NKAIN3: variants seen among roughly 807,000 people sequenced by gnomAD.
The protein encoded by NKAIN3 is sodium/potassium-transporting ATPase subunit beta-1-interacting protein 3.
NKAIN3 carries 25 observed loss-of-function variants against 30.2 expected under a neutral mutation model. The observed-to-expected ratio is 0.83, with a 90% CI of 0.60 to 1.16. The LOEUF is 1.16. Among genes scored for constraint, NKAIN3 ranks in the 50% most tolerant of loss-of-function variants. The probability of loss-of-function intolerance (pLI) is 0.00; values close to 1 mark genes in which losing one functional copy is unlikely to be tolerated. For synonymous variants in NKAIN3, 91 were observed against 89.6 expected (o/e 1.02, Z -0.09); for missense variants, 225 against 254.1 (o/e 0.89, Z 0.78).
chr8:62,393,812 T>C (rs6983923), intron 1 of NKAIN3, among the ~76,000 whole-genome samples: 1 of 152,082 alleles, frequency 6.6e-6, no homozygotes, highest in Non-Finnish European at 1.5e-5. Context: ...TTGCACATCT[T>C]TTTGTTAAAT....
intron 1 of NKAIN3, among the ~76,000 whole-genome samples, chr8:62,518,655 AT>A: frequency 6.6e-6 from 1 of 152,278 alleles, no homozygotes; most frequent in African/African-American, 2.4e-5. Flanking sequence ...GGATCAAAAG[AT>A]TTTAAAAATT....
At chr8:62,853,239 G>C (rs148657915) in intron 4 of NKAIN3, among the ~76,000 whole-genome samples, 2,381 of 152,176 alleles carry the variant, frequency 0.016, 72 homozygotes, top group African/African-American at 0.054. Context: ...GATCTTTGTT[G>C]GTTTAAAGTC....
Position 62,967,734 on chromosome 8 carries a change from T to TA in NKAIN3, c.*2333dup, listed in dbSNP as rs61231023. ...AAACATCAAAACTGTAGAGAGTCAG[T>TA]AAAAAAGGATAAAATGAGTATTGAC... On this transcript the variant is annotated 3_prime_UTR_variant, in exon 7 of 7. Coordinates refer to ENST00000623646, the MANE Select transcript of NKAIN3 (RefSeq NM_001304533.3). 6.8e-6 allele frequency among the ~76,000 whole-genome samples: 1 copy of TA among 146,822 alleles called. No homozygotes were observed. Among genetic ancestry groups the TA allele is most frequent in the Non-Finnish European group, 1.5e-5 (1 of 67,978 alleles).
At chr8:62,866,244 A>G (rs1431095089) in intron 4 of NKAIN3, among the ~76,000 whole-genome samples, 18 of 152,174 alleles carry the variant, frequency 1.2e-4, no homozygotes, top group Admixed American at 6.5e-5. Context: ...GAAAAAATAC[A>G]TATATTTTCG....
intron 4 of NKAIN3, among the ~76,000 whole-genome samples, chr8:62,851,623 T>C (rs1020640210): frequency 1.3e-5 from 2 of 152,194 alleles, no homozygotes; most frequent in African/African-American, 2.4e-5. Flanking sequence ...TATTTTGAGG[T>C]ACATCCCATC....
chr8:62,714,882 C>G lies in NKAIN3; in HGVS notation c.274-32050C>G, dbSNP rs1276451658. On this transcript the variant is annotated intron_variant, in intron 3 of 6. Coordinates refer to ENST00000623646, the MANE Select transcript of NKAIN3 (RefSeq NM_001304533.3). ...AAACTCTGACACAAAATGCCTCCAA[C>G]ATTAAGGTCATTAACAGTGCTGTTT... Among the ~76,000 whole-genome samples the G allele has an allele frequency of 3.9e-5, 6 of 152,290 alleles. No individual in the cohort carries two copies. The East Asian group carries it at 1.2e-3, about 29-fold the overall frequency.
chr8:62,420,996 C>T (rs963826120), intron 1 of NKAIN3, among the ~76,000 whole-genome samples: 1 of 152,126 alleles, frequency 6.6e-6, no homozygotes, highest in Non-Finnish European at 1.5e-5. Context: ...ATGACTATAT[C>T]GGGTCTTAAA....
chr8:62,920,438 T>G (rs1462239828), intron 5 of NKAIN3, among the ~76,000 whole-genome samples: 2 of 152,198 alleles, frequency 1.3e-5, no homozygotes, highest in Non-Finnish European at 2.9e-5. Context: ...TCCTTGAGAC[T>G]TGTGGTTTAA....
At chr8:62,943,455 T>C (rs1823027511) in intron 5 of NKAIN3, among the ~76,000 whole-genome samples, 1 of 152,042 alleles carries the variant, frequency 6.6e-6, no homozygotes, top group Non-Finnish European at 1.5e-5. Flanking sequence ...TGTAAACTAG[T>C]ACAACCACTA....
At chr8:62,670,646 T>C (rs1586072126) in intron 3 of NKAIN3, among the ~76,000 whole-genome samples, 1 of 152,216 alleles carries the variant, frequency 6.6e-6, no homozygotes, top group African/African-American at 2.4e-5. Flanking sequence ...ATGGTCCCCT[T>C]GGGAAGGCAG....
chr8:62,876,717 A>T (rs2130808002), intron 4 of NKAIN3, among the ~76,000 whole-genome samples: 1 of 152,314 alleles, frequency 6.6e-6, no homozygotes, highest in South Asian at 2.1e-4. Flanking sequence ...TCAGGAACAG[A>T]AAACCAAACA....
chr8:62,863,690 G>C (rs1820328426), intron 4 of NKAIN3: 5 of 1,444,186 alleles, frequency 3.5e-6, no homozygotes, highest in African/African-American at 1.4e-5. Flanking sequence ...TTCATCCAAG[G>C]CTGTGTCTGT....
intron 4 of NKAIN3, among the ~76,000 whole-genome samples, chr8:62,763,393 ATCAGCAT>A (rs1158524215): frequency 2.0e-5 from 3 of 152,114 alleles, no homozygotes; most frequent in Non-Finnish European, 4.4e-5. Flanking sequence ...ATTAGTGTGT[ATCAGCAT>A]TTACCTTTGA....
chr8:62,843,736 T>C (rs1819595653), intron 4 of NKAIN3, among the ~76,000 whole-genome samples: 2 of 152,152 alleles, frequency 1.3e-5, no homozygotes, highest in Admixed American at 1.3e-4. Flanking sequence ...ACTAAGTTTG[T>C]GATGATTTGC....
At chr8:62,563,652 A>T (rs1005721527) in intron 1 of NKAIN3, among the ~76,000 whole-genome samples, 1 of 152,144 alleles carries the variant, frequency 6.6e-6, no homozygotes, top group African/African-American at 2.4e-5. Flanking sequence ...GAAACTCTTT[A>T]TATTTAGTTA....
At chr8:62,329,967 C>A (rs1283967318) in intron 1 of NKAIN3, among the ~76,000 whole-genome samples, 1 of 151,932 alleles carries the variant, frequency 6.6e-6, no homozygotes, top group African/African-American at 2.4e-5. Flanking sequence ...GTTGATTTAC[C>A]ACTAAACCAA....
intron 3 of NKAIN3, among the ~76,000 whole-genome samples, chr8:62,705,008 A>G (rs774002933): frequency 1.3e-5 from 2 of 152,184 alleles, no homozygotes; most frequent in Admixed American, 6.6e-5. Context: ...AGTCCTTAAG[A>G]ACTTATTGAA....
intron 1 of NKAIN3, among the ~76,000 whole-genome samples, chr8:62,424,030 A>G (rs2129596998): frequency 6.6e-6 from 1 of 152,106 alleles, no homozygotes; most frequent in Non-Finnish European, 1.5e-5. Context: ...CTGAAGCAAA[A>G]GATTCTTCAC....
intron 4 of NKAIN3, among the ~76,000 whole-genome samples, chr8:62,872,739 A>G (rs1353212971): frequency 6.6e-6 from 1 of 152,204 alleles, no homozygotes; most frequent in Non-Finnish European, 1.5e-5. Flanking sequence ...AGAATTTTCA[A>G]CTCAGAATTT....
Sources: allele counts gnomAD v4.1 joint callset (sites outside exome capture counted in the v4.1 genomes callset), GRCh38; gene constraint gnomAD v4.1.1; transcripts MANE v1.5; gene names NCBI Gene and HGNC (gene_info 2026-07-23, HGNC 2026-07-21).